CSMD1: variants seen among roughly 807,000 people sequenced by gnomAD.
The protein encoded by CSMD1 is CUB and sushi domain-containing protein 1.
In CSMD1, 213 loss-of-function variants were observed where a neutral mutation model predicts 417.5. The observed-to-expected ratio is 0.51, with a 90% CI of 0.46 to 0.57. The LOEUF (loss-of-function observed/expected upper bound fraction) is 0.57. CSMD1 is among the 20% of genes least tolerant of loss of function. The pLI is 0.00. For missense variants in CSMD1, 6,923 were observed against 4,529.7 expected (o/e 1.53, Z -15.17); for synonymous variants, 2,862 against 1,736.8 (o/e 1.65, Z -16.11).
intron 1 of CSMD1, among the ~76,000 whole-genome samples, chr8:4,795,835 C>G (rs1209056488): frequency 6.6e-6 from 1 of 152,070 alleles, no homozygotes; most frequent in East Asian, 1.9e-4. Flanking sequence ...AGCCCTTCTT[C>G]AAATTAAACA....
intron 41 of CSMD1, among the ~76,000 whole-genome samples, chr8:3,136,710 G>A (rs543474352): frequency 1.8e-4 from 28 of 152,246 alleles, no homozygotes; most frequent in Middle Eastern, 3.4e-3. Context: ...GACCACCAGT[G>A]CCTGAGGTAA....
Position 3,409,411 on chromosome 8 carries a change from C to T in CSMD1, c.1744+12G>A, listed in dbSNP as rs759053579. 4 of 1,601,768 alleles carry T rather than the reference C, an allele frequency of 2.5e-6. No individual in the cohort carries two copies. In the African/African-American group the frequency reaches 5.3e-5, roughly 21 times the overall value. ...GGACAGGAGGGAGTCCAGGTCAAGG[C>T]ATAATACTCACATACACAGCTGGGC... On this transcript the variant is annotated intron_variant, in intron 13 of 69. Coordinates refer to ENST00000635120, the MANE Select transcript of CSMD1 (RefSeq NM_033225.6).
chr8:3,680,182 G>T (rs1346448962), intron 7 of CSMD1, among the ~76,000 whole-genome samples: 1 of 151,964 alleles, frequency 6.6e-6, no homozygotes, highest in East Asian at 1.9e-4. Context: ...AAACAACTCA[G>T]ATCAGAGCAG....
rs3067537 is a variant in CSMD1, at chr8:4,329,849, TACACACAC to T, written c.415+90096_415+90103del. On this transcript the variant is annotated intron_variant, in intron 3 of 69. Transcript: ENST00000635120. ...AAAAAGTGTGTGGCACCACCCTGCTTACACACACACACACACACACACACAGACACACA... is the reference window on the plus strand; with the variant it reads ...AAAAAGTGTGTGGCACCACCCTGCTTACACACACACACACACAGACACACA... Among the ~76,000 whole-genome samples, 20 of 150,272 alleles carry T rather than the reference TACACACAC, an allele frequency of 1.3e-4. No individual in the cohort carries two copies. In the South Asian group the frequency reaches 2.3e-3, roughly 18 times the overall value.
At chr8:4,538,298 G>T (rs1797207124) in intron 2 of CSMD1, among the ~76,000 whole-genome samples, 2 of 150,270 alleles carry the variant, frequency 1.3e-5, no homozygotes, top group African/African-American at 4.9e-5. Context: ...CTACGACATT[G>T]CAAATATTAT....
At position 3,610,445 on chromosome 8, in the gene CSMD1, C is replaced by T. The variant is rs113479644; in HGVS notation, c.1097+6265G>A. Among the ~76,000 whole-genome samples, 655 of 115,466 alleles carry T rather than the reference C, an allele frequency of 5.7e-3. 5 individuals carry two copies. Among genetic ancestry groups the T allele is most frequent in the African/African-American group, 0.019 (621 of 32,260 alleles). 75.8% of individuals were successfully genotyped at this position (115,466 alleles called of 152,430 possible). A position where few individuals can be genotyped will look rare whatever the true frequency, so the allele number is the denominator to read the frequency against. ...AACTACACAGGAGATCGAAGTGGGA[C>T]GATCATTTGAGCCCTGGAGTTCGAG... On this transcript the variant is annotated intron_variant, in intron 8 of 69. Transcript: ENST00000635120.
At position 4,204,154 on chromosome 8, in the gene CSMD1, A is replaced by C. The variant is rs376111039; in HGVS notation, c.416-172055T>G. ...AGGATCTGTCAGTTTTCAAGTCCTG[A>C]AATTCATTGACTGTGCCCATGTGGT... On this transcript the variant is annotated intron_variant, in intron 3 of 69. Coordinates refer to ENST00000635120, the MANE Select transcript of CSMD1 (RefSeq NM_033225.6). Among the ~76,000 whole-genome samples the C allele has an allele frequency of 1.5e-4, 23 of 152,246 alleles. 1 individual carries two copies. The East Asian group carries it at 2.9e-3, about 19-fold the overall frequency.
In CSMD1 at chr8:3,954,804, T is replaced by C. The variant is rs538140889; in HGVS notation, c.818+43099A>G. On this transcript the variant is annotated intron_variant, in intron 5 of 69. Transcript: ENST00000635120. ...GAGTTACATGCACGCAGAGCCTCCT[T>C]GCCCCTCGGAAGCGAGCATGCGCAG... is the stretch of plus-strand genomic sequence containing the variant. Among the ~76,000 whole-genome samples, 8 of 151,954 alleles carry C rather than the reference T, an allele frequency of 5.3e-5. No individual in the cohort carries two copies. The South Asian group carries it at 1.7e-3, about 31-fold the overall frequency.
chr8:4,055,847 T>C (rs1346366906), intron 3 of CSMD1, among the ~76,000 whole-genome samples: 2 of 152,142 alleles, frequency 1.3e-5, no homozygotes, highest in Admixed American at 6.6e-5. Context: ...TTTTCTTTTT[T>C]ACTATGCCAG....
chr8:4,009,787 C>G (rs1318880758), intron 4 of CSMD1, among the ~76,000 whole-genome samples: 1 of 152,196 alleles, frequency 6.6e-6, no homozygotes, highest in East Asian at 1.9e-4. Flanking sequence ...GAGACATGGA[C>G]CATTCCTGCT....
chr8:3,527,932 G>A (rs1025066655), intron 10 of CSMD1, among the ~76,000 whole-genome samples: 1 of 152,186 alleles, frequency 6.6e-6, no homozygotes, highest in Non-Finnish European at 1.5e-5. Flanking sequence ...GGGCAGTTCT[G>A]TGCAGGTCAG....
intron 4 of CSMD1, among the ~76,000 whole-genome samples, chr8:4,003,061 G>C (rs576496041): frequency 6.6e-6 from 1 of 152,094 alleles, no homozygotes; most frequent in Non-Finnish European, 1.5e-5. Flanking sequence ...CAACACAGCA[G>C]GGGGATATTA....
intron 11 of CSMD1, among the ~76,000 whole-genome samples, chr8:3,489,948 T>A (rs999425289): frequency 6.6e-6 from 1 of 152,222 alleles, no homozygotes; most frequent in Non-Finnish European, 1.5e-5. Flanking sequence ...TCCTCTGACT[T>A]CGTATACTGA....
rs1814860530 is a variant in CSMD1 at position 3,090,382 on chromosome 8, A to G, written c.7285+1134T>C. Among the ~76,000 whole-genome samples, 5 of 151,396 alleles carry G rather than the reference A, an allele frequency of 3.3e-5. No homozygotes were observed. In the South Asian group the frequency reaches 1.0e-3, roughly 32 times the overall value. On this transcript the variant is annotated intron_variant, in intron 48 of 69. Coordinates refer to ENST00000635120, the MANE Select transcript of CSMD1 (RefSeq NM_033225.6). ...TTTTTTGGAACAAGGAGTTTGCTGA[A>G]TGCAAATCCCATCATTGCATCGATG... is the stretch of plus-strand genomic sequence containing the variant.
intron 5 of CSMD1, among the ~76,000 whole-genome samples, chr8:3,875,146 T>A (rs1805732051): frequency 6.6e-6 from 1 of 151,946 alleles, no homozygotes; most frequent in African/African-American, 2.4e-5. Flanking sequence ...TTACTCGATG[T>A]AAAATGCGAC....
intron 1 of CSMD1, among the ~76,000 whole-genome samples, chr8:4,944,134 G>C (rs1351044410): frequency 6.6e-6 from 1 of 152,110 alleles, no homozygotes; most frequent in Non-Finnish European, 1.5e-5. Flanking sequence ...CTGAGTTTTA[G>C]GCATCTGAAT....
intron 17 of CSMD1, among the ~76,000 whole-genome samples, chr8:3,390,385 T>A (rs533098354): frequency 6.7e-6 from 1 of 148,686 alleles, no homozygotes; most frequent in African/African-American, 2.5e-5. Flanking sequence ...AAAAAGGAAT[T>A]TTGTAGCAGG....
At chr8:4,035,289 G>C (rs753634842) in intron 3 of CSMD1, among the ~76,000 whole-genome samples, 2 of 152,014 alleles carry the variant, frequency 1.3e-5, no homozygotes, top group Non-Finnish European at 2.9e-5. Context: ...CATACAATTA[G>C]GTTCACTGCA....
chr8:3,625,899 A>G (rs1191794639), intron 7 of CSMD1, among the ~76,000 whole-genome samples: 1 of 152,228 alleles, frequency 6.6e-6, no homozygotes, highest in Non-Finnish European at 1.5e-5. Flanking sequence ...TCCAACTGAT[A>G]TATCACGGTA....
Sources: allele counts gnomAD v4.1 joint callset (sites outside exome capture counted in the v4.1 genomes callset), GRCh38; gene constraint gnomAD v4.1.1; transcripts MANE v1.5; gene names NCBI Gene and HGNC (gene_info 2026-07-23, HGNC 2026-07-21).